Variants in UTRN observed in about 807,000 individuals in gnomAD.
UTRN encodes dystrophin-related protein 1.
Under a neutral mutation model 463.9 loss-of-function variants are expected in UTRN, and 283 were observed. That is an observed-to-expected ratio of 0.61 (90% CI 0.55 to 0.67). UTRN has a LOEUF of 0.67. Among genes scored for constraint, UTRN ranks in the 30% least tolerant of loss-of-function variants. The pLI is 0.00. For synonymous variants in UTRN, 1,442 were observed against 1,431.5 expected (o/e 1.01, Z -0.17); for missense variants, 3,922 against 4,084.3 (o/e 0.96, Z 1.08).
At chr6:144,689,249 G>A (rs546464347) in intron 52 of UTRN, among the ~76,000 whole-genome samples, 2 of 152,168 alleles carry the variant, frequency 1.3e-5, no homozygotes, top group African/African-American at 4.8e-5. Flanking sequence ...CCAAGCTCCT[G>A]TGGGAGCAGC....
Position 144,427,978 on chromosome 6 carries a change from G to A in UTRN, c.579-800G>A, listed in dbSNP as rs536311479. Reference sequence around the variant, plus strand: ...AAGAGCAGAGGAGGCACTTGGCATCGGAGAGGGCAGTGGCTGCAGTGACCT... The same window carrying A: ...AAGAGCAGAGGAGGCACTTGGCATCAGAGAGGGCAGTGGCTGCAGTGACCT... On this transcript the variant is annotated intron_variant, in intron 7 of 74. Coordinates refer to ENST00000367545, the MANE Select transcript of UTRN (RefSeq NM_007124.3). 6.6e-4 allele frequency among the ~76,000 whole-genome samples: 101 copies of A among 152,244 alleles called. 1 individual carries two copies. The highest frequency in any genetic ancestry group is 2.3e-3 in the African/African-American group (96 of 41,528).
intron 35 of UTRN, among the ~76,000 whole-genome samples, chr6:144,513,151 G>A (rs1242285958): frequency 6.6e-6 from 1 of 152,188 alleles, no homozygotes; most frequent in Admixed American, 6.5e-5. Flanking sequence ...TTAAGGGCTG[G>A]TGATACTGAG....
At chr6:144,820,805 A>G in intron 65 of UTRN, 77 bp from the exon 66 acceptor site, 9 of 1,511,262 alleles carry the variant, frequency 6.0e-6, no homozygotes, top group Non-Finnish European at 7.1e-6. Flanking sequence ...ATCAATTTAC[A>G]TCGGCTCTGA....
chr6:144,611,144 G>C (rs1251609627), intron 51 of UTRN, among the ~76,000 whole-genome samples: 2 of 152,180 alleles, frequency 1.3e-5, no homozygotes, highest in Non-Finnish European at 2.9e-5. Flanking sequence ...AAAAGCATTA[G>C]AAGCATTTGA....
In UTRN at chr6:144,473,788, C is replaced by A; in HGVS notation, c.3135C>A (p.Ala1045=). 1 of 1,614,072 alleles carries A rather than the reference C, an allele frequency of 6.2e-7. No homozygotes were observed. Among genetic ancestry groups the A allele is most frequent in the South Asian group, 1.1e-5 (1 of 91,066 alleles). Residue 1045 remains alanine, a synonymous_variant, in exon 24 of 75, where the codon GCC becomes GCA. Transcript: ENST00000367545. ...VKDFLMKQQA[A]QGDDAGLQRQ... is the part of the protein sequence containing the mutation. ...ACTTCTTAATGAAACAGCAGGCTGC[C>A]CAAGGAGACGACGCAGGTCTACAGA...
rs140641527 is a variant in UTRN, at chr6:144,693,935, G to A, written c.7653-6152G>A. Among the ~76,000 whole-genome samples, 409 of 152,210 alleles carry A rather than the reference G, an allele frequency of 2.7e-3. 2 individuals carry two copies. Among genetic ancestry groups the A allele is most frequent in the African/African-American group, 9.1e-3 (379 of 41,546 alleles). On this transcript the variant is annotated intron_variant, in intron 52 of 74. Coordinates refer to ENST00000367545, the MANE Select transcript of UTRN (RefSeq NM_007124.3). ...GCAGGACTTCCAATATTGTGTTGAAGGAGTGGTGAGAGAGGGCATCCTTGT... is the reference window on the plus strand; with the variant it reads ...GCAGGACTTCCAATATTGTGTTGAAAGAGTGGTGAGAGAGGGCATCCTTGT...
At chr6:144,585,407 C>A (rs1358274304) in intron 51 of UTRN, among the ~76,000 whole-genome samples, 8 of 152,066 alleles carry the variant, frequency 5.3e-5, no homozygotes, top group African/African-American at 1.9e-4. Flanking sequence ...AATTCCAGTA[C>A]ATTGCAGCAG....
intron 2 of UTRN, among the ~76,000 whole-genome samples, chr6:144,298,944 C>T (rs1219941457): frequency 6.6e-6 from 1 of 152,080 alleles, no homozygotes; most frequent in East Asian, 1.9e-4. Context: ...TTCTTCAACT[C>T]CATTCTCTAA....
intron 51 of UTRN, among the ~76,000 whole-genome samples, chr6:144,659,093 T>C (rs1177655253): frequency 6.6e-6 from 1 of 152,224 alleles, no homozygotes; most frequent in Non-Finnish European, 1.5e-5. Flanking sequence ...AAAATAAAAT[T>C]AATCAACGCG....
At chr6:144,713,222 G>A (rs962838331) in intron 53 of UTRN, among the ~76,000 whole-genome samples, 1 of 152,108 alleles carries the variant, frequency 6.6e-6, no homozygotes, top group Non-Finnish European at 1.5e-5. Flanking sequence ...TTGGATTTTG[G>A]TGTATTTTAG....
chr6:144,820,253 T>G (rs917412286), intron 65 of UTRN, among the ~76,000 whole-genome samples: 12 of 152,100 alleles, frequency 7.9e-5, no homozygotes, highest in Non-Finnish European at 2.9e-5. Context: ...ACAGTGACAT[T>G]TTATACCACT....
chr6:144,745,825 T>C (rs1028845879), intron 54 of UTRN, among the ~76,000 whole-genome samples: 6 of 152,132 alleles, frequency 3.9e-5, no homozygotes, highest in African/African-American at 1.4e-4. Flanking sequence ...CAGTAGTCAA[T>C]GCTTAAGATA....
At chr6:144,645,557 A>G (rs1778209476) in intron 51 of UTRN, among the ~76,000 whole-genome samples, 1 of 152,226 alleles carries the variant, frequency 6.6e-6, no homozygotes, top group South Asian at 2.1e-4. Context: ...TGGCAAACAT[A>G]CAGGTGATGT....
chr6:144,807,733 A>G (rs1284819256), intron 65 of UTRN, among the ~76,000 whole-genome samples: 1 of 152,072 alleles, frequency 6.6e-6, no homozygotes, highest in African/African-American at 2.4e-5. Context: ...TACTTTACCA[A>G]TTAGGATTTG....
At position 144,851,170 on chromosome 6, in the gene UTRN, G is replaced by T. The variant is rs983160712; in HGVS notation, c.*173G>T. On this transcript the variant is annotated 3_prime_UTR_variant, in exon 75 of 75. Transcript: ENST00000367545. ...AACACTGACTATCCAAAGAGAAATG[G>T]ATATTTTGTTTTTATAATAACCATA... 22 of 787,630 alleles carry T rather than the reference G, an allele frequency of 2.8e-5. No individual in the cohort carries two copies. In the Middle Eastern group the frequency reaches 1.2e-3, roughly 42 times the overall value. The allele number at this position is 787,630 out of a possible 1,614,324, so 48.8% of individuals were successfully genotyped here.
At chr6:144,752,094 A>C (rs1791462827) in intron 56 of UTRN, 142 bp downstream of exon 56, 3 of 852,824 alleles carry the variant, frequency 3.5e-6, no homozygotes, top group Middle Eastern at 4.8e-4. Context: ...GACATCAGGT[A>C]TTTGTCTTTC....
At position 144,797,437 on chromosome 6, in the gene UTRN, C is replaced by T. The variant is rs144161075; in HGVS notation, c.9079-387C>T. ...CTCAAACTCCTGAGCTCAGGCAATCCGCTTGCCTCGGCCTCCCAAAGTGCT... is the reference window on the plus strand; with the variant it reads ...CTCAAACTCCTGAGCTCAGGCAATCTGCTTGCCTCGGCCTCCCAAAGTGCT... On this transcript the variant is annotated intron_variant, in intron 63 of 74. Transcript: ENST00000367545. Among the ~76,000 whole-genome samples, 53 of 152,214 alleles carry T rather than the reference C, an allele frequency of 3.5e-4. No individual in the cohort carries two copies. The East Asian group carries it at 8.5e-3, about 24-fold the overall frequency.
At chr6:144,440,663 C>T (rs1787062671) in intron 13 of UTRN, among the ~76,000 whole-genome samples, 192 bp downstream of exon 13, 1 of 152,212 alleles carries the variant, frequency 6.6e-6, no homozygotes, top group Non-Finnish European at 1.5e-5. Flanking sequence ...GATTCCTTTA[C>T]TTCAGCTCTT....
intron 53 of UTRN, among the ~76,000 whole-genome samples, chr6:144,722,222 G>A (rs1301497943): frequency 1.3e-5 from 2 of 152,124 alleles, no homozygotes; most frequent in Non-Finnish European, 2.9e-5. Context: ...TCTAAGCTAG[G>A]CATGCACTTG....
Sources: allele counts gnomAD v4.1 joint callset (sites outside exome capture counted in the v4.1 genomes callset), GRCh38; gene constraint gnomAD v4.1.1; transcripts MANE v1.5; gene names NCBI Gene and HGNC (gene_info 2026-07-23, HGNC 2026-07-21).